TTC38: variants seen among roughly 807,000 people sequenced by gnomAD.
The protein encoded by TTC38 is tetratricopeptide repeat domain 38, also known as tetratricopeptide repeat protein 38.
TTC38 carries 64 observed loss-of-function variants against 64.2 expected under a neutral mutation model. The ratio of observed to expected loss-of-function variants is 1.00; its 90% confidence interval spans 0.81 to 1.23. The LOEUF (loss-of-function observed/expected upper bound fraction) is 1.23, where lower values mean the gene tolerates loss of function less well. Ranked by LOEUF, TTC38 falls within the 50% of genes most tolerant of loss-of-function variation. TTC38 has a pLI of 0.00. For synonymous variants in TTC38, 254 were observed against 249.3 expected (o/e 1.02, Z -0.18); for missense variants, 573 against 615.5 (o/e 0.93, Z 0.73).
rs528716272 is a variant in TTC38, at chr22:46,275,720, G to A, written c.539+299G>A. ...AAGGTTTATTTTTCACTCATACTAC[G>A]TGGCTACCTTAGAAGGGCTGAGGGC... On this transcript the variant is annotated intron_variant, in intron 5 of 13. Transcript: ENST00000381031. The surrounding 1 kb of genome is among the most constrained non-coding windows in gnomAD (Gnocchi z 4.5). Among the ~76,000 whole-genome samples the A allele has an allele frequency of 5.3e-5, 8 of 152,238 alleles. No individual in the cohort carries two copies. Among genetic ancestry groups the A allele is most frequent in the South Asian group, 2.1e-4 (1 of 4,822 alleles).
chr22:46,278,724 A>C, intron 6 of TTC38, 63 bp downstream of exon 6: 1 of 1,311,172 alleles, frequency 7.6e-7, no homozygotes, highest in Non-Finnish European at 1.1e-6. Flanking sequence ...GGACCAGGGC[A>C]TATGAGGGGC....
chr22:46,287,165 C>T lies in TTC38; in HGVS notation c.916+11C>T. 4 of 1,595,554 alleles carry T rather than the reference C, an allele frequency of 2.5e-6. No homozygotes were observed. Among genetic ancestry groups the T allele is most frequent in the Non-Finnish European group, 3.4e-6 (4 of 1,169,468 alleles). On this transcript the variant is annotated intron_variant, in intron 10 of 13. Coordinates refer to ENST00000381031, the MANE Select transcript of TTC38 (RefSeq NM_017931.4). ...GCCTGCAGATGGAAGGTAGCCATCC[C>T]TGCAGCCCCACTGGCTTCTGCCTCT... is the stretch of plus-strand genomic sequence containing the variant.
intron 8 of TTC38, 56 bp from the exon 9 acceptor site, chr22:46,285,185 C>G: frequency 6.5e-7 from 1 of 1,538,126 alleles, no homozygotes. Flanking sequence ...AGTTCACGTG[C>G]CAGCATTACA....
At chr22:46,279,107 C>T (rs1038543844) in intron 6 of TTC38, among the ~76,000 whole-genome samples, 9 of 152,208 alleles carry the variant, frequency 5.9e-5, no homozygotes, top group African/African-American at 1.4e-4. Flanking sequence ...GCATCACTCA[C>T]GGCACCAGAG....
intron 1 of TTC38, 111 bp downstream of exon 1, chr22:46,268,183 G>T (rs1936804703): frequency 1.6e-6 from 2 of 1,246,422 alleles, no homozygotes; most frequent in East Asian, 5.4e-5. Context: ...CGTGGGGTGA[G>T]CCCTGGGCGC....
intron 6 of TTC38, among the ~76,000 whole-genome samples, chr22:46,280,625 T>A (rs2077527370): frequency 6.6e-6 from 1 of 152,210 alleles, no homozygotes; most frequent in South Asian, 2.1e-4. Context: ...CACACTTTCT[T>A]TCCCTCTGTT....
At chr22:46,289,779 C>T in intron 12 of TTC38, 47 bp from the exon 13 acceptor site, 1 of 1,600,108 alleles carries the variant, frequency 6.2e-7, no homozygotes, top group Non-Finnish European at 8.6e-7. Flanking sequence ...GGCTCGCCTC[C>T]CCCATCCTGA....
chr22:46,286,985 C>A lies in TTC38; in HGVS notation c.835-88C>A. 6 of 1,060,164 alleles carry A rather than the reference C, an allele frequency of 5.7e-6. No homozygotes were observed. The East Asian group carries it at 1.3e-4, about 23-fold the overall frequency. The allele number at this position is 1,060,164 out of a possible 1,614,324, so 65.7% of individuals were successfully genotyped here. A position where few individuals can be genotyped will look rare whatever the true frequency, so the allele number is the denominator to read the frequency against. On this transcript the variant is annotated intron_variant, in intron 9 of 13. Coordinates refer to ENST00000381031, the MANE Select transcript of TTC38 (RefSeq NM_017931.4). ...AGGGCTTGCTCTATGCAGGCCCCACCCCACCTGGACAGGCTGACCCTGGCT... is the reference window on the plus strand; with the variant it reads ...AGGGCTTGCTCTATGCAGGCCCCACACCACCTGGACAGGCTGACCCTGGCT...
rs1001261296 is a variant in TTC38, at chr22:46,274,055, G to T, written c.351G>T (p.Glu117Asp). The change falls in exon 4 of 14, where the codon GAG becomes GAT. Residue 117 changes from glutamate to aspartate, a missense_variant. Coordinates refer to ENST00000381031, the MANE Select transcript of TTC38 (RefSeq NM_017931.4). The surrounding 1 kb of genome is among the most constrained non-coding windows in gnomAD (Gnocchi z 4.8). ...RREQLHVSAV[E>D]TFANGNFPKA... ...AGCAGCTGCACGTGTCTGCAGTAGA[G>T]ACATTTGCCAATGGGTGAGGGGCCT... The T allele has an allele frequency of 1.2e-6, 2 of 1,613,528 alleles. No individual in the cohort carries two copies. Among genetic ancestry groups the T allele is most frequent in the African/African-American group, 2.7e-5 (2 of 74,882 alleles).
At position 46,283,986 on chromosome 22, in the gene TTC38, T is replaced by C; in HGVS notation, c.749T>C (p.Leu250Ser). ...TTTTTTCTCCAGGACTCTGATATGT[T>C]GGCTTGTCATAACTATTGGCACTGG... ...SETFWKDSDM[L>S]ACHNYWHWAL... Residue 250 changes from leucine to serine, a missense_variant, in exon 8 of 14, where the codon TTG becomes TCG. Physicochemically the swap from Leu to Ser is moderately radical, Grantham distance 145. Transcript: ENST00000381031. 2 of 1,603,902 alleles carry C rather than the reference T, an allele frequency of 1.2e-6. No homozygotes were observed. Among genetic ancestry groups the C allele is most frequent in the Non-Finnish European group, 1.7e-6 (2 of 1,177,352 alleles).
At chr22:46,288,660 C>T in intron 11 of TTC38, 72 bp downstream of exon 11, 5 of 1,489,926 alleles carry the variant, frequency 3.4e-6, no homozygotes, top group East Asian at 2.3e-5. Flanking sequence ...TAGGGCCATG[C>T]TGAGACCTGT....
rs1015939990 is a variant in TTC38 at position 46,281,423 on chromosome 22, C to T, written c.616-176C>T. ...AGTGAGACCCATGAGCTGGTGTGCC[C>T]GGGCAGGCAGGAAGTGGTGCTAATT... On this transcript the variant is annotated intron_variant, in intron 6 of 13. Transcript: ENST00000381031. The surrounding 1 kb of genome is among the most constrained non-coding windows in gnomAD (Gnocchi z 5.2). Among the ~76,000 whole-genome samples the T allele has an allele frequency of 2.0e-5, 3 of 152,102 alleles. No homozygotes were observed. The highest frequency in any genetic ancestry group is 6.5e-5 in the Admixed American group (1 of 15,272).
At position 46,282,471 on chromosome 22, in the gene TTC38, G is replaced by T. The variant is rs1255357506; in HGVS notation, c.735+753G>T. Among the ~76,000 whole-genome samples, 1 of 152,206 alleles carries T rather than the reference G, an allele frequency of 6.6e-6. No individual in the cohort carries two copies. Among genetic ancestry groups the T allele is most frequent in the Non-Finnish European group, 1.5e-5 (1 of 68,028 alleles). On this transcript the variant is annotated intron_variant, in intron 7 of 13. Transcript: ENST00000381031. The surrounding 1 kb of genome is among the most constrained non-coding windows in gnomAD (Gnocchi z 4.4). ...GAGCCTATTGGGCTCAAGGGAGATGGGGCCTCCCCTGGGACAGGGACACAG... is the reference window on the plus strand; with the variant it reads ...GAGCCTATTGGGCTCAAGGGAGATGTGGCCTCCCCTGGGACAGGGACACAG...
intron 2 of TTC38, 128 bp downstream of exon 2, chr22:46,268,719 C>T: frequency 1.1e-6 from 1 of 927,118 alleles, no homozygotes; most frequent in Non-Finnish European, 1.6e-6. Context: ...GAGTCTCGCT[C>T]TGTCGCCCAG....
rs186963856 is a variant in TTC38, at chr22:46,277,397, G to T, written c.540-1189G>T. On this transcript the variant is annotated intron_variant, in intron 5 of 13. Transcript: ENST00000381031. ...AGGCGGGTGGATCACCTGAGGTCAG[G>T]AGTTTGAGGCCAGCCTGGCCAACAT... Among the ~76,000 whole-genome samples the T allele has an allele frequency of 2.2e-3, 342 of 152,228 alleles. 1 individual carries two copies. The highest frequency in any genetic ancestry group is 3.7e-3 in the Non-Finnish European group (251 of 68,008).
rs1194122865 is a variant in TTC38, at chr22:46,283,857, A to AAG, written c.736-115_736-114insGA. 1.8e-4 allele frequency: 92 copies of AAG among 512,356 alleles called. No homozygotes were observed. The African/African-American group carries it at 1.8e-3, about 10-fold the overall frequency. The allele number at this position is 512,356 out of a possible 1,614,324, so 31.7% of individuals were successfully genotyped here. On this transcript the variant is annotated intron_variant, in intron 7 of 13. Transcript: ENST00000381031. ...ACAGAGCCAGACTTAGTCTCAAAAAAAAAAAAAAAAAAAAAAAAAAAGATG... is the reference window on the plus strand; with the variant it reads ...ACAGAGCCAGACTTAGTCTCAAAAAAAGAAAAAAAAAAAAAAAAAAAAAGATG...
In TTC38 at chr22:46,268,615, G is replaced by A. The variant is rs780685354; in HGVS notation, c.111+24G>A. The A allele has an allele frequency of 4.3e-6, 7 of 1,611,598 alleles. No individual in the cohort carries two copies. In the Admixed American group the frequency reaches 5.0e-5, roughly 12 times the overall value. On this transcript the variant is annotated intron_variant, in intron 2 of 13. Transcript: ENST00000381031. Reference sequence around the variant, plus strand: ...AGGTATGCCTGCCGAGAGAGGCCGCGGCCCCTTCTGTGGAGGTCTAGGGGA... The same window carrying A: ...AGGTATGCCTGCCGAGAGAGGCCGCAGCCCCTTCTGTGGAGGTCTAGGGGA...
Position 46,274,869 on chromosome 22 carries a change from A to C in TTC38, c.366-379A>C, listed in dbSNP as rs1936973761. On this transcript the variant is annotated intron_variant, in intron 4 of 13. Transcript: ENST00000381031. The surrounding 1 kb of genome is among the most constrained non-coding windows in gnomAD (Gnocchi z 4.8). ...ATTTAGAGTTTTGCTCTTGTCGCCC[A>C]GGCTGGAATGCAGTGGCGCAATCTC... Among the ~76,000 whole-genome samples the C allele has an allele frequency of 6.6e-6, 1 of 152,134 alleles. No homozygotes were observed. Among genetic ancestry groups the C allele is most frequent in the Non-Finnish European group, 1.5e-5 (1 of 68,022 alleles).
chr22:46,290,208 C>G (rs534661769), intron 13 of TTC38, among the ~76,000 whole-genome samples: 1 of 152,196 alleles, frequency 6.6e-6, no homozygotes, highest in Non-Finnish European at 1.5e-5. Flanking sequence ...GCTTGGAACA[C>G]CCTTTCTCCT....
Sources: gnomAD v4.1 joint callset for allele counts (sites outside exome capture counted in the v4.1 genomes callset) on GRCh38, gnomAD v4.1.1 for gene constraint, Gnocchi (gnomAD v3.1) non-coding constraint, MANE v1.5 for transcripts, NCBI Gene and HGNC (gene_info 2026-07-23, HGNC 2026-07-21) for gene names.